The following GKAP1 variants were observed in gnomAD, a reference collection of about 807,000 sequenced individuals.
The protein encoded by GKAP1 is G kinase-anchoring protein 1.
Under a neutral mutation model 56.7 loss-of-function variants are expected in GKAP1, and 31 were observed. That is an observed-to-expected ratio of 0.55 (90% CI 0.41 to 0.74). The LOEUF (loss-of-function observed/expected upper bound fraction) is 0.74. Ranked by LOEUF, GKAP1 falls within the 30% of genes least tolerant of loss-of-function variation. GKAP1 has a pLI of 0.00. For missense variants in GKAP1, 364 were observed against 402.3 expected (o/e 0.90, Z 0.82); for synonymous variants, 151 against 138.6 (o/e 1.09, Z -0.63).
At chr9:83,814,731 T>A (rs949218636) in intron 2 of GKAP1, among the ~76,000 whole-genome samples, 8 of 152,246 alleles carry the variant, frequency 5.3e-5, no homozygotes, top group African/African-American at 1.9e-4. Context: ...ATATGTGAAG[T>A]GCACAATAGA....
intron 2 of GKAP1, among the ~76,000 whole-genome samples, chr9:83,815,398 C>T (rs1944568301): frequency 6.6e-6 from 1 of 151,656 alleles, no homozygotes; most frequent in South Asian, 2.1e-4. Flanking sequence ...AGGCATGCAC[C>T]ACCAAGCCCG....
intron 7 of GKAP1, among the ~76,000 whole-genome samples, chr9:83,774,099 G>A (rs1464253216): frequency 1.3e-5 from 2 of 151,760 alleles, no homozygotes; most frequent in Non-Finnish European, 2.9e-5. Context: ...CTGACCTCCT[G>A]GCCTCAAGTG....
At position 83,817,670 on chromosome 9, in the gene GKAP1, CG is replaced by C. The variant is rs1262215566; in HGVS notation, c.-330del. On this transcript the variant is annotated 5_prime_UTR_variant, in exon 1 of 13. Coordinates refer to ENST00000376371, the MANE Select transcript of GKAP1 (RefSeq NM_025211.4). The stretch of plus-strand genomic sequence containing the variant: ...GCAGGCTCGCGCCGGGCGGGGGTCG[CG>C]GTCGGCCCACAGGCTGGGCACTAAC... The C allele has an allele frequency of 6.6e-6, 1 of 150,604 alleles. No homozygotes were observed. The highest frequency in any genetic ancestry group is 1.5e-5 in the Non-Finnish European group (1 of 67,584). The allele number at this position is 150,604 out of a possible 1,614,324, so 9.3% of individuals were successfully genotyped here.
chr9:83,744,506 C>G (rs994318545), intron 10 of GKAP1, among the ~76,000 whole-genome samples: 7 of 152,200 alleles, frequency 4.6e-5, no homozygotes, highest in Non-Finnish European at 7.3e-5. Context: ...AAGCAAACTT[C>G]AGGTTTTCTT....
intron 9 of GKAP1, among the ~76,000 whole-genome samples, chr9:83,751,180 A>T (rs959745132): frequency 6.6e-6 from 1 of 152,002 alleles, no homozygotes; most frequent in Non-Finnish European, 1.5e-5. Context: ...TCTGAACCCA[A>T]CTCATATCTG....
At chr9:83,767,374 T>C (rs550920414) in intron 8 of GKAP1, among the ~76,000 whole-genome samples, 1 of 152,210 alleles carries the variant, frequency 6.6e-6, no homozygotes, top group Admixed American at 6.5e-5. Flanking sequence ...TTTTTTTTTT[T>C]TTTGAGACGG....
At chr9:83,798,617 G>C (rs1299752922) in intron 4 of GKAP1, among the ~76,000 whole-genome samples, 1 of 152,104 alleles carries the variant, frequency 6.6e-6, no homozygotes, top group Non-Finnish European at 1.5e-5. Context: ...CCTGAGCTCT[G>C]ATCTTCCCAC....
chr9:83,789,892 T>G (rs1310548141), intron 4 of GKAP1, among the ~76,000 whole-genome samples: 1 of 152,174 alleles, frequency 6.6e-6, no homozygotes, highest in East Asian at 1.9e-4. Flanking sequence ...AGTTTTTAAT[T>G]CAAATCTGTG....
intron 8 of GKAP1, among the ~76,000 whole-genome samples, chr9:83,762,523 G>A (rs1442946880): frequency 6.6e-6 from 1 of 152,054 alleles, no homozygotes; most frequent in Admixed American, 6.6e-5. Flanking sequence ...AAATACCAAT[G>A]ACATTCTTCA....
intron 4 of GKAP1, among the ~76,000 whole-genome samples, chr9:83,793,784 G>T (rs1944201427): frequency 6.6e-6 from 1 of 152,170 alleles, no homozygotes; most frequent in Admixed American, 6.5e-5. Flanking sequence ...AGCAGAAAAG[G>T]AAAGTTATAA....
chr9:83,753,060 AAACAAC>A (rs113320506), intron 9 of GKAP1, among the ~76,000 whole-genome samples, 192 bp downstream of exon 9: 1 of 149,528 alleles, frequency 6.7e-6, no homozygotes, highest in Non-Finnish European at 1.5e-5. Context: ...ACTCCATCTC[AAACAAC>A]AACAACAACA....
Position 83,806,532 on chromosome 9 carries a change from T to C in GKAP1, c.-15A>G. The C allele has an allele frequency of 6.2e-7, 1 of 1,606,494 alleles. No homozygotes were observed. Among genetic ancestry groups the C allele is most frequent in the African/African-American group, 1.3e-5 (1 of 74,750 alleles). On this transcript the variant is annotated 5_prime_UTR_variant, in exon 3 of 13. Coordinates refer to ENST00000376371, the MANE Select transcript of GKAP1 (RefSeq NM_025211.4). ...GCTGAGGCCATCGTAAAGATTTTTC[T>C]TTTAAAATACTTCTGTCAAGAATAA...
chr9:83,814,548 A>G (rs182338104), intron 2 of GKAP1, among the ~76,000 whole-genome samples: 24 of 152,326 alleles, frequency 1.6e-4, no homozygotes, highest in African/African-American at 5.1e-4. Flanking sequence ...CCTAGCCCCT[A>G]TGATCCTGAT....
chr9:83,775,729 A>T (rs2131278101), intron 7 of GKAP1, among the ~76,000 whole-genome samples: 1 of 151,772 alleles, frequency 6.6e-6, no homozygotes, highest in African/African-American at 2.4e-5. Context: ...TAAAAAATTA[A>T]CTGGGCGTGG....
intron 4 of GKAP1, among the ~76,000 whole-genome samples, chr9:83,790,892 T>A (rs1944146650): frequency 6.6e-6 from 1 of 152,136 alleles, no homozygotes; most frequent in Admixed American, 6.6e-5. Context: ...GCCACTAAAA[T>A]TTTAATCCCT....
intron 8 of GKAP1, among the ~76,000 whole-genome samples, chr9:83,766,429 A>G (rs1419226598): frequency 2.0e-5 from 3 of 152,230 alleles, no homozygotes; most frequent in Non-Finnish European, 2.9e-5. Context: ...AATGCCAGAA[A>G]GAACCTCACG....
intron 8 of GKAP1, among the ~76,000 whole-genome samples, chr9:83,754,234 A>C (rs1943438761): frequency 6.6e-6 from 1 of 152,236 alleles, no homozygotes; most frequent in African/African-American, 2.4e-5. Context: ...AGGTTACAGG[A>C]CAAGTGGCTA....
chr9:83,815,536 T>A (rs943627518), intron 2 of GKAP1, among the ~76,000 whole-genome samples: 2 of 152,008 alleles, frequency 1.3e-5, no homozygotes, highest in African/African-American at 4.8e-5. Flanking sequence ...AGCAGCCATA[T>A]CTCAGTCCAG....
intron 2 of GKAP1, among the ~76,000 whole-genome samples, chr9:83,812,424 T>C (rs1183218797): frequency 6.6e-6 from 1 of 150,698 alleles, no homozygotes; most frequent in Non-Finnish European, 1.5e-5. Flanking sequence ...CACGGCTCAC[T>C]GCAGCCTCAA....
Sources: allele counts gnomAD v4.1 joint callset (sites outside exome capture counted in the v4.1 genomes callset), GRCh38; gene constraint gnomAD v4.1.1; transcripts MANE v1.5; gene names NCBI Gene and HGNC (gene_info 2026-07-23, HGNC 2026-07-21).